GRID1: variants seen among roughly 807,000 people sequenced by gnomAD.
The protein encoded by GRID1 is glutamate receptor ionotropic, delta-1.
Under a neutral mutation model 98.0 loss-of-function variants are expected in GRID1, and 28 were observed. The observed-to-expected ratio is 0.29, with a 90% confidence interval of 0.21 to 0.39. The LOEUF is 0.39. Ranked by LOEUF, GRID1 falls within the 10% of genes least tolerant of loss-of-function variation. The pLI is 1.00. For synonymous variants in GRID1, 553 were observed against 538.5 expected (o/e 1.03, Z -0.37); for missense variants, 1,111 against 1,340.5 (o/e 0.83, Z 2.67).
At chr10:85,797,610 T>C (rs1246847511) in intron 8 of GRID1, among the ~76,000 whole-genome samples, 2 of 92,616 alleles carry the variant, frequency 2.2e-5, no homozygotes, top group Non-Finnish European at 4.1e-5. Context: ...TAAATCTGTA[T>C]TTTTTTTTTT....
chr10:86,106,059 T>C (rs1425885199), intron 4 of GRID1, among the ~76,000 whole-genome samples: 2 of 152,092 alleles, frequency 1.3e-5, no homozygotes, highest in Non-Finnish European at 2.9e-5. Flanking sequence ...AAGACCACGG[T>C]CTTGGGGACC....
rs916670036 is a variant in GRID1, at chr10:86,354,390, C to T, written c.235+9551G>A. On this transcript the variant is annotated intron_variant, in intron 2 of 15. Transcript: ENST00000327946. ...CATGGTGGCCGGGACACAACAAGAA[C>T]GAATGCCTGCTGAGCATACTATGTG... Among the ~76,000 whole-genome samples, 9 of 152,198 alleles carry T rather than the reference C, an allele frequency of 5.9e-5. No homozygotes were observed. The South Asian group carries it at 1.0e-3, about 18-fold the overall frequency.
chr10:85,768,156 T>A (rs1280640465), intron 8 of GRID1, among the ~76,000 whole-genome samples: 1 of 152,096 alleles, frequency 6.6e-6, no homozygotes, highest in African/African-American at 2.4e-5. Context: ...GACCAACCCC[T>A]AAGGAAGTGT....
intron 8 of GRID1, among the ~76,000 whole-genome samples, chr10:85,732,882 C>A (rs1841841177): frequency 6.6e-6 from 1 of 152,140 alleles, no homozygotes; most frequent in Admixed American, 6.6e-5. Flanking sequence ...ACACTAAAAT[C>A]CCCAAAATCC....
intron 4 of GRID1, among the ~76,000 whole-genome samples, chr10:86,031,416 G>A (rs1251373872): frequency 2.0e-5 from 3 of 152,082 alleles, no homozygotes; most frequent in East Asian, 3.9e-4. Context: ...AAAAGGGGGG[G>A]CAGGAGGAGG....
At chr10:85,659,180 T>C (rs1840936930) in intron 12 of GRID1, among the ~76,000 whole-genome samples, 1 of 152,210 alleles carries the variant, frequency 6.6e-6, no homozygotes, top group Non-Finnish European at 1.5e-5. Flanking sequence ...CTTGCACATG[T>C]GTGTGCATGC....
At chr10:86,257,480 A>G (rs896658660) in intron 2 of GRID1, among the ~76,000 whole-genome samples, 1 of 152,222 alleles carries the variant, frequency 6.6e-6, no homozygotes, top group African/African-American at 2.4e-5. Flanking sequence ...CAGGTGGAAA[A>G]GACTCAACTA....
intron 12 of GRID1, among the ~76,000 whole-genome samples, chr10:85,695,788 C>T (rs75631458): frequency 6.6e-6 from 1 of 151,892 alleles, no homozygotes; most frequent in African/African-American, 2.4e-5. Context: ...ACAAAAAAAA[C>T]AAGCCAGCTG....
chr10:85,740,429 T>C (rs143577971), intron 8 of GRID1, among the ~76,000 whole-genome samples: 218 of 152,312 alleles, frequency 1.4e-3, no homozygotes, highest in African/African-American at 5.0e-3. Context: ...ACACTATACC[T>C]CAGTCTGAAG....
At chr10:86,273,462 G>A (rs191831396) in intron 2 of GRID1, among the ~76,000 whole-genome samples, 1,899 of 150,826 alleles carry the variant, frequency 0.013, 52 homozygotes, top group African/African-American at 0.044. Context: ...GGTAATTCTA[G>A]TTCTAGATCC....
At chr10:86,283,553 A>ACACACACACG (rs2132069530) in intron 2 of GRID1, among the ~76,000 whole-genome samples, 1 of 150,140 alleles carries the variant, frequency 6.7e-6, no homozygotes, top group South Asian at 2.1e-4. Context: ...ACCTGCCCTT[A>ACACACACACG]CACACACATG....
At chr10:86,341,494 G>A (rs993770510) in intron 2 of GRID1, among the ~76,000 whole-genome samples, 4 of 152,108 alleles carry the variant, frequency 2.6e-5, no homozygotes, top group African/African-American at 9.7e-5. Flanking sequence ...AGCCAGTGAG[G>A]GTGAGCATCC....
intron 4 of GRID1, among the ~76,000 whole-genome samples, chr10:86,024,468 A>G (rs1311437133): frequency 1.3e-5 from 2 of 152,172 alleles, no homozygotes; most frequent in Admixed American, 6.5e-5. Context: ...TACAACTTCA[A>G]TTGGCCTAAA....
chr10:86,203,946 C>T (rs147745333), intron 3 of GRID1, among the ~76,000 whole-genome samples: 130 of 152,276 alleles, frequency 8.5e-4, no homozygotes, highest in Non-Finnish European at 1.5e-3. Flanking sequence ...TGCAGTGGTC[C>T]TCCAGATGAA....
At chr10:85,941,545 C>G (rs899383575) in intron 4 of GRID1, among the ~76,000 whole-genome samples, 1 of 152,136 alleles carries the variant, frequency 6.6e-6, no homozygotes, top group Admixed American at 6.5e-5. Context: ...TTCCAAATTG[C>G]CTACAATGAA....
intron 8 of GRID1, among the ~76,000 whole-genome samples, chr10:85,760,198 C>T (rs971243694): frequency 2.0e-5 from 3 of 152,114 alleles, no homozygotes; most frequent in African/African-American, 4.8e-5. Context: ...TGTTTAGGCA[C>T]GAATAAGATA....
At chr10:86,310,593 G>A (rs565333762) in intron 2 of GRID1, among the ~76,000 whole-genome samples, 40 of 152,270 alleles carry the variant, frequency 2.6e-4, no homozygotes, top group Admixed American at 1.7e-3. Context: ...GGGGAGAAAG[G>A]CATATATCTA....
At chr10:85,987,529 C>A (rs1461723515) in intron 4 of GRID1, among the ~76,000 whole-genome samples, 1 of 85,236 alleles carries the variant, frequency 1.2e-5, no homozygotes, top group Admixed American at 1.2e-4. Flanking sequence ...TACCTTCCCC[C>A]CAACCTAATT....
At chr10:86,330,656 C>T (rs938198214) in intron 2 of GRID1, among the ~76,000 whole-genome samples, 1 of 152,244 alleles carries the variant, frequency 6.6e-6, no homozygotes, top group Non-Finnish European at 1.5e-5. Context: ...CACCTTCATA[C>T]TTTGTGTGAG....
Sources: allele counts gnomAD v4.1 joint callset (sites outside exome capture counted in the v4.1 genomes callset), GRCh38; gene constraint gnomAD v4.1.1; transcripts MANE v1.5; gene names NCBI Gene and HGNC (gene_info 2026-07-23, HGNC 2026-07-21).